Variants in SLC25A30 observed in about 807,000 individuals in gnomAD.
SLC25A30 encodes kidney mitochondrial carrier protein 1.
Under a neutral mutation model 42.7 loss-of-function variants are expected in SLC25A30, and 29 were observed. The ratio of observed to expected loss-of-function variants is 0.68; its 90% CI spans 0.51 to 0.93. The LOEUF is 0.93. Among genes scored for constraint, SLC25A30 ranks in the 40% least tolerant of loss-of-function variants. The pLI is 0.00. For synonymous variants in SLC25A30, 124 were observed against 131.0 expected (o/e 0.95, Z 0.37); for missense variants, 300 against 359.7 (o/e 0.83, Z 1.34).
At chr13:45,429,623 G>C in the SLC25A30 span, among the ~76,000 whole-genome samples, 1 of 151,842 alleles carries the variant, frequency 6.6e-6, no homozygotes, top group Admixed American at 6.6e-5. Context: ...TTAAGCTCAT[G>C]AGTTCAAAAC....
chr13:45,423,258 C>G (rs1224874513), upstream of SLC25A30, among the ~76,000 whole-genome samples: 6 of 151,758 alleles, frequency 4.0e-5, no homozygotes, highest in Non-Finnish European at 4.4e-5. Context: ...GTTGTAAGTC[C>G]TGCTAAAAAG....
the SLC25A30 span, among the ~76,000 whole-genome samples, chr13:45,423,503 G>C: frequency 1.6e-5 from 2 of 125,328 alleles, no homozygotes; most frequent in Middle Eastern, 4.5e-3. Context: ...CCAGAATTAA[G>C]AATAGTTTAT....
chr13:45,394,551 C>G lies in SLC25A30; in HGVS notation c.*1423G>C, dbSNP rs1261567025. ...CTGAAGAGACCCAAATAAATATGTT[C>G]CCTGTCCTGTGGCTGCCTCCCAGAA... On this transcript the variant is annotated 3_prime_UTR_variant, in exon 10 of 10. Coordinates refer to ENST00000519676, the MANE Select transcript of SLC25A30 (RefSeq NM_001010875.4). 3 of 985,176 alleles carry G rather than the reference C, an allele frequency of 3.0e-6. No individual in the cohort carries two copies. In the East Asian group the frequency reaches 3.4e-4, roughly 112 times the overall value. 61.0% of individuals were successfully genotyped at this position (985,176 alleles called of 1,614,324 possible). A position where few individuals can be genotyped will look rare whatever the true frequency, so the allele number is the denominator to read the frequency against.
Position 45,394,391 on chromosome 13 carries a change from A to G in SLC25A30, c.*1583T>C, listed in dbSNP as rs1881163244. On this transcript the variant is annotated 3_prime_UTR_variant, in exon 10 of 10. Transcript: ENST00000519676. The stretch of plus-strand genomic sequence containing the variant: ...GCGAGGAAAAATTATCTCATCCTCC[A>G]AAAAAACCTGCAGTCCTTCTATTCA... 1.0e-6 allele frequency: 1 copy of G among 985,304 alleles called. No homozygotes were observed. Among genetic ancestry groups the G allele is most frequent in the Non-Finnish European group, 1.2e-6 (1 of 829,886 alleles). 61.0% of individuals were successfully genotyped at this position (985,304 alleles called of 1,614,324 possible).
chr13:45,400,555 C>T (rs1303734742), intron 7 of SLC25A30, among the ~76,000 whole-genome samples: 1 of 152,116 alleles, frequency 6.6e-6, no homozygotes, highest in Non-Finnish European at 1.5e-5. Flanking sequence ...AGGGTTCCGT[C>T]GCCCAGTCAA....
intron 1 of SLC25A30, among the ~76,000 whole-genome samples, chr13:45,415,244 G>C (rs1355425419): frequency 6.6e-6 from 1 of 152,084 alleles, no homozygotes. Context: ...CCTCAGAGAA[G>C]AAAAGTAACT....
At chr13:45,406,074 C>T in intron 3 of SLC25A30, 97 bp from the exon 4 acceptor site, 1 of 1,104,664 alleles carries the variant, frequency 9.1e-7, no homozygotes, top group Non-Finnish European at 1.3e-6. Context: ...AATCAAACTA[C>T]ATTCTCTAAA....
At chr13:45,412,557 G>A (rs1053330353) in intron 1 of SLC25A30, among the ~76,000 whole-genome samples, 4 of 152,078 alleles carry the variant, frequency 2.6e-5, no homozygotes, top group Admixed American at 2.6e-4. Flanking sequence ...CCTGAGTCTC[G>A]GTTTTCTTCT....
chr13:45,433,773 C>T, the SLC25A30 span, among the ~76,000 whole-genome samples: 1 of 152,178 alleles, frequency 6.6e-6, no homozygotes, highest in African/African-American at 2.4e-5. Flanking sequence ...CTGTAACCCA[C>T]ATTAAGAAAT....
the SLC25A30 span, among the ~76,000 whole-genome samples, chr13:45,428,572 G>T: frequency 1.4e-5 from 2 of 140,234 alleles, no homozygotes; most frequent in African/African-American, 5.4e-5. Context: ...ACCCAGGCTG[G>T]AGTGCAGTGG....
intron 8 of SLC25A30, chr13:45,398,501 G>C (rs1053055478): frequency 1.4e-5 from 2 of 140,146 alleles, no homozygotes; most frequent in South Asian, 2.3e-4. Flanking sequence ...AAAAAAAAAA[G>C]TGACTCCTAA....
intron 2 of SLC25A30, among the ~76,000 whole-genome samples, chr13:45,409,746 T>G (rs570725623): frequency 3.3e-5 from 5 of 152,146 alleles, no homozygotes; most frequent in Admixed American, 6.5e-5. Context: ...GAGGCAGAGG[T>G]TGCAGTGAGC....
At chr13:45,403,084 A>G (rs948974059) in intron 5 of SLC25A30, among the ~76,000 whole-genome samples, 7 of 152,252 alleles carry the variant, frequency 4.6e-5, no homozygotes, top group African/African-American at 1.7e-4. Context: ...ACGTGGGAAA[A>G]TAAACCAAGA....
At chr13:45,413,036 C>T (rs140436375) in intron 1 of SLC25A30, among the ~76,000 whole-genome samples, 2,785 of 152,292 alleles carry the variant, frequency 0.018, 63 homozygotes, top group Non-Finnish European at 0.018. Context: ...CCACAAGTCA[C>T]CACTGCCCAG....
chr13:45,394,565 T>TGCCTC lies in SLC25A30; in HGVS notation c.*1404_*1408dup. On this transcript the variant is annotated 3_prime_UTR_variant, in exon 10 of 10. Transcript: ENST00000519676. ...ATAAATATGTTCCCTGTCCTGTGGCTGCCTCCCAGAAGTGGAAGTTCTTGG... is the reference window on the plus strand; with the variant it reads ...ATAAATATGTTCCCTGTCCTGTGGCTGCCTCGCCTCCCAGAAGTGGAAGTTCTTGG... 1 of 985,414 alleles carries TGCCTC rather than the reference T, an allele frequency of 1.0e-6. No homozygotes were observed. The highest frequency in any genetic ancestry group is 1.2e-6 in the Non-Finnish European group (1 of 829,936). 61.0% of individuals were successfully genotyped at this position (985,414 alleles called of 1,614,324 possible). A position where few individuals can be genotyped will look rare whatever the true frequency, so the allele number is the denominator to read the frequency against.
chr13:45,400,357 G>A (rs910020624), intron 7 of SLC25A30, among the ~76,000 whole-genome samples: 1 of 150,956 alleles, frequency 6.6e-6, no homozygotes, highest in African/African-American at 2.4e-5. Context: ...AGGAGGTAGA[G>A]GTTGCAGTGA....
chr13:45,421,090 A>G (rs1424607299), upstream of SLC25A30, among the ~76,000 whole-genome samples: 2 of 151,676 alleles, frequency 1.3e-5, no homozygotes, highest in Non-Finnish European at 2.9e-5. Context: ...CAAGAATAAC[A>G]AAAAAAGGCC....
the SLC25A30 span, among the ~76,000 whole-genome samples, chr13:45,424,066 T>C: frequency 9.6e-6 from 1 of 104,132 alleles, no homozygotes; most frequent in African/African-American, 4.1e-5. Flanking sequence ...TAAAAATATA[T>C]ATATTTATAT....
chr13:45,399,782 A>AT (rs1340277390), intron 7 of SLC25A30, among the ~76,000 whole-genome samples: 2 of 152,028 alleles, frequency 1.3e-5, no homozygotes, highest in Non-Finnish European at 2.9e-5. Flanking sequence ...GATATCAAAG[A>AT]AAAAGATCTC....
Sources: gnomAD v4.1 joint callset for allele counts (sites outside exome capture counted in the v4.1 genomes callset) on GRCh38, gnomAD v4.1.1 for gene constraint, MANE v1.5 for transcripts, NCBI Gene and HGNC (gene_info 2026-07-23, HGNC 2026-07-21) for gene names.